SIPA1L3: variants seen among roughly 807,000 people sequenced by gnomAD.
SIPA1L3 encodes signal-induced proliferation-associated 1-like protein 3.
A neutral mutation model predicts 150.1 loss-of-function variants in SIPA1L3; 59 were observed. The observed-to-expected ratio is 0.39, with a 90% CI of 0.32 to 0.49. The LOEUF is 0.49. SIPA1L3 is among the 20% of genes least tolerant of loss of function. The probability of loss-of-function intolerance (pLI) is 0.86; values close to 1 mark genes in which losing one functional copy is unlikely to be tolerated. For synonymous variants in SIPA1L3, 1,070 were observed against 1,077.6 expected, an observed-to-expected ratio of 0.99 and a Z score of 0.14; for missense variants, 2,211 against 2,489.5, an observed-to-expected ratio of 0.89 and a Z score of 2.38.
rs763557925 is a variant in SIPA1L3, at chr19:38,201,974, C to T, written c.5097C>T (p.Thr1699=). 2 of 1,613,062 alleles carry T rather than the reference C, an allele frequency of 1.2e-6. No individual in the cohort carries two copies. The highest frequency in any genetic ancestry group is 1.1e-5 in the South Asian group (1 of 90,934). The stretch of plus-strand genomic sequence containing the variant: ...TGAGCCTGGAGAGGGGACCCCCGAC[C>T]CCCAGGACCACCCCTACCATGAGGT... ...SHLSLERGPP[T]PRTTPTMSEE... The change falls in exon 20 of 22, where the codon ACC becomes ACT. Residue 1699 remains threonine, a synonymous_variant. Coordinates refer to ENST00000222345, the MANE Select transcript of SIPA1L3 (RefSeq NM_015073.3).
chr19:37,927,685 G>GTA (rs1568466865), intron 1 of SIPA1L3, among the ~76,000 whole-genome samples: 2,237 of 138,004 alleles, frequency 0.016, 57 homozygotes, highest in African/African-American at 0.054. Context: ...GTGTGTGTGT[G>GTA]TGTGTGTATG....
At chr19:38,098,666 T>C (rs1014480407) in intron 4 of SIPA1L3, among the ~76,000 whole-genome samples, 6 of 152,040 alleles carry the variant, frequency 3.9e-5, no homozygotes, top group African/African-American at 1.2e-4. Context: ...AAGGGGGCTT[T>C]CCTTTTATTA....
intron 2 of SIPA1L3, among the ~76,000 whole-genome samples, chr19:38,057,377 G>T (rs140691379): frequency 1.3e-4 from 19 of 151,192 alleles, no homozygotes; most frequent in Non-Finnish European, 2.4e-4. Flanking sequence ...TATATGGGAA[G>T]GTATAAAGAA....
chr19:38,056,882 A>G (rs1049406358), intron 2 of SIPA1L3, among the ~76,000 whole-genome samples: 2 of 151,994 alleles, frequency 1.3e-5, no homozygotes, highest in Admixed American at 6.6e-5. Flanking sequence ...ACATAGCCAG[A>G]CCTCCTCTCT....
chr19:38,174,476 A>G (rs2146006001), intron 15 of SIPA1L3, among the ~76,000 whole-genome samples: 1 of 152,046 alleles, frequency 6.6e-6, no homozygotes, highest in African/African-American at 2.4e-5. Flanking sequence ...TCACAGCTCC[A>G]CCTCTTACCC....
At chr19:38,201,809 G>C in intron 19 of SIPA1L3, 53 bp from the exon 20 acceptor site, 1 of 1,543,410 alleles carries the variant, frequency 6.5e-7, no homozygotes, top group Non-Finnish European at 8.7e-7. Flanking sequence ...CGTCTGTTGC[G>C]GGAGAAGCCG....
chr19:37,976,903 C>A (rs571673506), intron 1 of SIPA1L3, among the ~76,000 whole-genome samples: 49 of 152,256 alleles, frequency 3.2e-4, no homozygotes, highest in Non-Finnish European at 1.5e-5. Flanking sequence ...GGCACAAACA[C>A]AGCTCACTGC....
chr19:38,002,675 C>A (rs1402511944), intron 1 of SIPA1L3, among the ~76,000 whole-genome samples: 1 of 130,020 alleles, frequency 7.7e-6, no homozygotes, highest in Non-Finnish European at 1.5e-5. Flanking sequence ...GCTGAGATCA[C>A]GCCACTGCAC....
chr19:38,119,991 C>T (rs1006298743), intron 9 of SIPA1L3, 109 bp downstream of exon 9: 41 of 704,442 alleles, frequency 5.8e-5, no homozygotes, highest in Middle Eastern at 8.0e-4. Flanking sequence ...CGCACTGGCC[C>T]GGAGAGAATC....
chr19:38,140,751 T>A (rs1038701844), intron 10 of SIPA1L3, among the ~76,000 whole-genome samples: 4 of 152,028 alleles, frequency 2.6e-5, no homozygotes, highest in African/African-American at 9.7e-5. Context: ...GAGTATTCAC[T>A]CGACTTTTAA....
At chr19:38,070,191 CCTATCTAT>C (rs10546386) in intron 2 of SIPA1L3, among the ~76,000 whole-genome samples, 164 of 148,836 alleles carry the variant, frequency 1.1e-3, no homozygotes, top group African/African-American at 3.0e-3. Flanking sequence ...GATCTTCAGT[CCTATCTAT>C]CTATCTATCT....
At chr19:37,914,632 C>T (rs1386597110) in intron 1 of SIPA1L3, among the ~76,000 whole-genome samples, 2 of 152,206 alleles carry the variant, frequency 1.3e-5, no homozygotes, top group Middle Eastern at 3.4e-3. Flanking sequence ...CTGCTTCAGC[C>T]TCCCAAAGTG....
Position 38,207,999 on chromosome 19 carries a change from C to G in SIPA1L3, c.*1759C>G, listed in dbSNP as rs1163668803. On this transcript the variant is annotated 3_prime_UTR_variant, in exon 22 of 22. Transcript: ENST00000222345. ...CTTCTCTGGGGGGCCCACCCGTCCC[C>G]CACCCCCACCCCTTAGACCCTCATC... 6.7e-6 allele frequency: 1 copy of G among 149,142 alleles called. No individual in the cohort carries two copies. Among genetic ancestry groups the G allele is most frequent in the African/African-American group, 2.5e-5 (1 of 40,304 alleles). 9.2% of individuals were successfully genotyped at this position (149,142 alleles called of 1,614,324 possible). A position where few individuals can be genotyped will look rare whatever the true frequency, so the allele number is the denominator to read the frequency against.
chr19:38,004,442 C>T (rs1263858159), intron 1 of SIPA1L3, among the ~76,000 whole-genome samples: 2 of 152,226 alleles, frequency 1.3e-5, no homozygotes, highest in African/African-American at 4.8e-5. Context: ...GATGTCTGGG[C>T]TGGCTGGTCC....
chr19:38,161,283 G>A (rs1331169902), intron 13 of SIPA1L3, among the ~76,000 whole-genome samples: 2 of 147,680 alleles, frequency 1.4e-5, no homozygotes, highest in Admixed American at 6.8e-5. Context: ...AGAGGTTGCA[G>A]TGAGCTGAGA....
chr19:38,089,127 C>T (rs1489620009), intron 4 of SIPA1L3, among the ~76,000 whole-genome samples: 1 of 151,952 alleles, frequency 6.6e-6, no homozygotes, highest in African/African-American at 2.4e-5. Flanking sequence ...CAAGACCAGC[C>T]TGACCAACAT....
chr19:37,919,530 A>G (rs1281603985), intron 1 of SIPA1L3, among the ~76,000 whole-genome samples: 1 of 152,156 alleles, frequency 6.6e-6, no homozygotes, highest in African/African-American at 2.4e-5. Flanking sequence ...CACTGGCTCC[A>G]GAGTCTAGGC....
At chr19:38,002,225 G>A (rs77262911) in intron 1 of SIPA1L3, among the ~76,000 whole-genome samples, 1,967 of 152,248 alleles carry the variant, frequency 0.013, 46 homozygotes, top group African/African-American at 0.046. Flanking sequence ...GTCCCTGGAA[G>A]CCACCTTTCT....
intron 1 of SIPA1L3, among the ~76,000 whole-genome samples, chr19:37,941,244 C>T (rs1416842861): frequency 6.6e-6 from 1 of 152,138 alleles, no homozygotes; most frequent in Non-Finnish European, 1.5e-5. Flanking sequence ...GACCATTGCT[C>T]AGAGCCATTA....
Sources: gnomAD v4.1 joint callset for allele counts (sites outside exome capture counted in the v4.1 genomes callset) on GRCh38, gnomAD v4.1.1 for gene constraint, MANE v1.5 for transcripts, NCBI Gene and HGNC (gene_info 2026-07-23, HGNC 2026-07-21) for gene names.